The following CAPN13 variants were observed in gnomAD, a reference collection of about 807,000 sequenced individuals.
CAPN13 encodes calpain 13.
Under a neutral mutation model 98.4 loss-of-function variants are expected in CAPN13, and 90 were observed. That is an observed-to-expected ratio of 0.92 (90% confidence interval 0.77 to 1.09). The LOEUF (loss-of-function observed/expected upper bound fraction) is 1.09, where lower values mean the gene tolerates loss of function less well. CAPN13 is among the 50% of genes least tolerant of loss of function. The pLI is 0.00. For missense variants in CAPN13, 887 were observed against 841.3 expected (o/e 1.05, Z -0.67); for synonymous variants, 330 against 305.5 (o/e 1.08, Z -0.84).
At chr2:30,761,437 A>C (rs2148016552) in intron 7 of CAPN13, among the ~76,000 whole-genome samples, 1 of 152,268 alleles carries the variant, frequency 6.6e-6, no homozygotes, top group South Asian at 2.1e-4. Context: ...TTGTCACCCT[A>C]GGTGTTCACA....
At chr2:30,728,272 C>A (rs139862388) in intron 22 of CAPN13, among the ~76,000 whole-genome samples, 1 of 151,342 alleles carries the variant, frequency 6.6e-6, no homozygotes, top group Non-Finnish European at 1.5e-5. Flanking sequence ...CCTCTGACTA[C>A]GCTAAAAACC....
intron 4 of CAPN13, among the ~76,000 whole-genome samples, chr2:30,774,507 T>G (rs943971653): frequency 1.3e-5 from 2 of 152,180 alleles, no homozygotes; most frequent in East Asian, 3.8e-4. Flanking sequence ...AGAGGTTAAA[T>G]GAATTGTCAG....
At chr2:30,763,965 A>G (rs565071218) in intron 6 of CAPN13, among the ~76,000 whole-genome samples, 167 bp downstream of exon 6, 1 of 152,300 alleles carries the variant, frequency 6.6e-6, no homozygotes, top group South Asian at 2.1e-4. Context: ...TATGTCTTAG[A>G]GGCAGGCTAC....
intron 3 of CAPN13, among the ~76,000 whole-genome samples, chr2:30,776,647 T>C (rs1673712964): frequency 6.6e-6 from 1 of 152,200 alleles, no homozygotes; most frequent in Non-Finnish European, 1.5e-5. Context: ...TAGGGGGACG[T>C]TCTCTCCTTT....
chr2:30,750,541 A>C (rs1415958426), intron 11 of CAPN13, among the ~76,000 whole-genome samples: 1 of 152,144 alleles, frequency 6.6e-6, no homozygotes, highest in African/African-American at 2.4e-5. Flanking sequence ...AGAAGTTTGC[A>C]TGCCAGCCAC....
At chr2:30,801,728 A>G (rs368540670) in intron 1 of CAPN13, among the ~76,000 whole-genome samples, 1 of 152,090 alleles carries the variant, frequency 6.6e-6, no homozygotes, top group African/African-American at 2.4e-5. Context: ...GGCGACAGAA[A>G]GGGAGCCAGG....
intron 5 of CAPN13, among the ~76,000 whole-genome samples, chr2:30,768,259 T>C (rs1341958441): frequency 1.3e-5 from 2 of 152,072 alleles, no homozygotes; most frequent in Non-Finnish European, 2.9e-5. Context: ...ACTCTCTGGA[T>C]TGGAATCAGG....
chr2:30,766,659 A>G (rs556631265), intron 5 of CAPN13, among the ~76,000 whole-genome samples: 1 of 152,140 alleles, frequency 6.6e-6, no homozygotes, highest in Non-Finnish European at 1.5e-5. Context: ...CTTCAGCCTC[A>G]TTTGGGGAAA....
At chr2:30,795,238 G>A (rs532214927) in intron 1 of CAPN13, among the ~76,000 whole-genome samples, 3 of 152,046 alleles carry the variant, frequency 2.0e-5, no homozygotes, top group Non-Finnish European at 4.4e-5. Context: ...GTTATTGTAC[G>A]TATCTCCTGA....
At position 30,776,029 on chromosome 2, in the gene CAPN13, C is replaced by T; in HGVS notation, c.288G>A (p.Leu96=). 6.2e-7 allele frequency: 1 copy of T among 1,610,866 alleles called. No homozygotes were observed. The highest frequency in any genetic ancestry group is 8.5e-7 in the Non-Finnish European group (1 of 1,178,250). Residue 96 remains leucine, a synonymous_variant, in exon 4 of 23, where the codon CTG becomes CTA. Transcript: ENST00000295055. The part of the protein sequence containing the change: ...QQGGAADCWF[L]AALGSLTQNP... ...TCTGAGTCAAGGATCCCAGTGCTGC[C>T]AGGAACCAGCAGTCAGCTGTGAGGG...
chr2:30,756,458 T>C (rs1672456470), intron 8 of CAPN13, among the ~76,000 whole-genome samples: 1 of 152,208 alleles, frequency 6.6e-6, no homozygotes, highest in Non-Finnish European at 1.5e-5. Flanking sequence ...CCCCAAATCC[T>C]GGTGTCCCCT....
rs1673343551 is a variant in CAPN13, at chr2:30,770,435, G to T, written c.402C>A (p.Gly134=). Residue 134 remains glycine, a synonymous_variant, in exon 5 of 23, where the codon GGC becomes GGA. Transcript: ENST00000295055. ...CATCAATCACCACTTCCACCCACTG[G>T]CCACATTGCCAGAACTGGAAGAGAG... The part of the protein sequence containing the change: ...GIFRFRFWQC[G]QWVEVVIDDR... 6 of 1,613,858 alleles carry T rather than the reference G, an allele frequency of 3.7e-6. No individual in the cohort carries two copies. The highest frequency in any genetic ancestry group is 4.2e-6 in the Non-Finnish European group (5 of 1,179,778).
chr2:30,805,488 A>C (rs563239154), intron 1 of CAPN13, among the ~76,000 whole-genome samples: 1 of 152,282 alleles, frequency 6.6e-6, no homozygotes, highest in South Asian at 2.1e-4. Flanking sequence ...CCAGGCTAAA[A>C]TAATGTCAAC....
chr2:30,806,206 T>C (rs920943108), intron 1 of CAPN13: 3 of 152,236 alleles, frequency 2.0e-5, no homozygotes, highest in Admixed American at 6.5e-5. Flanking sequence ...TCCAGCTCTG[T>C]CATTTGCATC....
Position 30,775,940 on chromosome 2 carries a change from A to C in CAPN13, c.377T>G (p.Phe126Cys). 1 of 1,607,882 alleles carries C rather than the reference A, an allele frequency of 6.2e-7. No individual in the cohort carries two copies. The highest frequency in any genetic ancestry group is 8.5e-7 in the Non-Finnish European group (1 of 1,176,616). Residue 126 changes from phenylalanine to cysteine, a missense_variant, in exon 4 of 23, where the codon TTC becomes TGC. By Grantham distance (205) the Phe-to-Cys change is radical (BLOSUM62 -2). Transcript: ENST00000295055. Reference sequence around the variant, plus strand: ...CAAGGGCACACGTACCCGGAAACGGAAAATGCCAGCATACTGGTGTGAAAA... The same window carrying C: ...CAAGGGCACACGTACCCGGAAACGGCAAATGCCAGCATACTGGTGTGAAAA... ...QSFSHQYAGI[F>C]RFRFWQCGQW... is the part of the protein sequence containing the mutation.
intron 2 of CAPN13, among the ~76,000 whole-genome samples, chr2:30,779,110 T>C (rs1346789986): frequency 1.3e-5 from 2 of 152,204 alleles, no homozygotes; most frequent in African/African-American, 2.4e-5. Flanking sequence ...ATGGAGGCTG[T>C]GGCATTTTCA....
intron 4 of CAPN13, among the ~76,000 whole-genome samples, chr2:30,772,298 G>A (rs1411014077): frequency 6.6e-6 from 1 of 152,214 alleles, no homozygotes; most frequent in Non-Finnish European, 1.5e-5. Flanking sequence ...TTGTCTGACA[G>A]GGAAACCAGA....
chr2:30,778,112 G>A (rs781513468), intron 2 of CAPN13, among the ~76,000 whole-genome samples: 10 of 152,314 alleles, frequency 6.6e-5, no homozygotes, highest in Non-Finnish European at 1.0e-4. Flanking sequence ...TTTAAGTCTA[G>A]CCGTGTGCTG....
chr2:30,806,470 C>G (rs147764755), intron 1 of CAPN13, among the ~76,000 whole-genome samples: 32 of 152,264 alleles, frequency 2.1e-4, no homozygotes, highest in African/African-American at 7.7e-4. Flanking sequence ...AAAGGTGAGA[C>G]AATTCAAGAG....
Sources: gnomAD v4.1 joint callset for allele counts (sites outside exome capture counted in the v4.1 genomes callset) on GRCh38, gnomAD v4.1.1 for gene constraint, MANE v1.5 for transcripts, NCBI Gene and HGNC (gene_info 2026-07-23, HGNC 2026-07-21) for gene names.